PTPRM: variants seen among roughly 807,000 people sequenced by gnomAD.
The protein encoded by PTPRM is protein tyrosine phosphatase receptor type M, also known as receptor-type tyrosine-protein phosphatase mu.
Under a neutral mutation model 186.7 loss-of-function variants are expected in PTPRM, and 47 were observed. The ratio of observed to expected loss-of-function variants is 0.25; its 90% CI spans 0.20 to 0.32. The LOEUF (loss-of-function observed/expected upper bound fraction) is 0.32, where lower values mean the gene tolerates loss of function less well. Among genes scored for constraint, PTPRM ranks in the 10% least tolerant of loss-of-function variants. PTPRM has a pLI of 1.00. For missense variants in PTPRM, 1,494 were observed against 1,865.0 expected (o/e 0.80, Z 3.66); for synonymous variants, 668 against 674.9 (o/e 0.99, Z 0.16).
intron 1 of PTPRM, among the ~76,000 whole-genome samples, chr18:7,667,844 C>T (rs1482485023): frequency 1.3e-5 from 2 of 152,010 alleles, no homozygotes; most frequent in Non-Finnish European, 1.5e-5. Context: ...CTGCATGCTA[C>T]TTAATAAATT....
At chr18:8,006,714 C>G (rs535282178) in intron 7 of PTPRM, among the ~76,000 whole-genome samples, 2 of 152,164 alleles carry the variant, frequency 1.3e-5, no homozygotes, top group African/African-American at 2.4e-5. Flanking sequence ...CACTGAAGCA[C>G]CAGTCACACC....
At chr18:8,233,539 T>G (rs941351454) in intron 14 of PTPRM, among the ~76,000 whole-genome samples, 7 of 152,224 alleles carry the variant, frequency 4.6e-5, no homozygotes, top group Admixed American at 3.9e-4. Context: ...TTAAGAGTTA[T>G]TTGAACATTA....
At chr18:7,829,731 A>G (rs1251729591) in intron 2 of PTPRM, among the ~76,000 whole-genome samples, 1 of 152,202 alleles carries the variant, frequency 6.6e-6, no homozygotes, top group East Asian at 1.9e-4. Flanking sequence ...TGGTACTTCC[A>G]AAACATTTCT....
At chr18:7,870,884 T>G (rs1009995931) in intron 2 of PTPRM, among the ~76,000 whole-genome samples, 1 of 152,200 alleles carries the variant, frequency 6.6e-6, no homozygotes, top group East Asian at 1.9e-4. Flanking sequence ...GGCAGTTAAC[T>G]CTCATGGGGA....
intron 14 of PTPRM, among the ~76,000 whole-genome samples, chr18:8,237,897 A>G (rs1475890365): frequency 6.6e-6 from 1 of 152,134 alleles, no homozygotes; most frequent in East Asian, 1.9e-4. Context: ...ATGGTTTCTG[A>G]GGAGAAGTGC....
intron 19 of PTPRM, among the ~76,000 whole-genome samples, chr18:8,265,664 A>AT (rs1056609943): frequency 1.3e-5 from 2 of 152,040 alleles, no homozygotes; most frequent in African/African-American, 2.4e-5. Context: ...TGAAAAGTCA[A>AT]TTTTTTTTCA....
chr18:7,612,312 T>A (rs930003958), intron 1 of PTPRM, among the ~76,000 whole-genome samples: 6 of 152,138 alleles, frequency 3.9e-5, no homozygotes, highest in Non-Finnish European at 7.3e-5. Context: ...CTGGCCACAT[T>A]TTCTGATGCT....
At chr18:8,180,034 C>T (rs1467834608) in intron 14 of PTPRM, among the ~76,000 whole-genome samples, 9 of 149,328 alleles carry the variant, frequency 6.0e-5, no homozygotes, top group Middle Eastern at 3.4e-3. Context: ...GTGAGCCACC[C>T]GTTGGGGTGA....
chr18:7,856,908 T>C (rs1056013305), intron 2 of PTPRM, among the ~76,000 whole-genome samples: 4 of 152,180 alleles, frequency 2.6e-5, no homozygotes, highest in Non-Finnish European at 5.9e-5. Context: ...ATCTGACTTA[T>C]AAATGACTCA....
intron 1 of PTPRM, among the ~76,000 whole-genome samples, chr18:7,685,992 G>A (rs1333765116): frequency 6.6e-6 from 1 of 152,006 alleles, no homozygotes; most frequent in Admixed American, 6.6e-5. Flanking sequence ...CTAGTGGCAG[G>A]CCAGAAAACT....
At chr18:7,854,951 GT>G (rs978655133) in intron 2 of PTPRM, among the ~76,000 whole-genome samples, 2 of 152,016 alleles carry the variant, frequency 1.3e-5, no homozygotes, top group African/African-American at 4.8e-5. Flanking sequence ...ATCCTTGAAG[GT>G]TAGGTAGCAT....
intron 7 of PTPRM, among the ~76,000 whole-genome samples, chr18:7,992,130 G>A (rs1599913935): frequency 6.6e-6 from 1 of 152,226 alleles, no homozygotes; most frequent in Non-Finnish European, 1.5e-5. Context: ...GGGTAGGAGA[G>A]GGAGTTATTA....
rs1427071585 is a variant in PTPRM, at chr18:8,111,387, C to T, written c.1857-2099C>T. 5.9e-5 allele frequency among the ~76,000 whole-genome samples: 9 copies of T among 152,166 alleles called. No individual in the cohort carries two copies. In the Middle Eastern group the frequency reaches 0.01, roughly 173 times the overall value. ...CAGAACTTTGGGAGGCCGAGGCGGG[C>T]GGATCACGATGTCAGGAGATTGAGA... On this transcript the variant is annotated intron_variant, in intron 11 of 32. Coordinates refer to ENST00000580170, the MANE Select transcript of PTPRM (RefSeq NM_001105244.2).
intron 1 of PTPRM, among the ~76,000 whole-genome samples, chr18:7,613,112 A>C (rs2037717703): frequency 6.6e-6 from 1 of 152,148 alleles, no homozygotes; most frequent in East Asian, 1.9e-4. Flanking sequence ...GTGCCTGGGA[A>C]GATAGGTTTG....
Position 7,838,728 on chromosome 18 carries a change from T to G in PTPRM, c.197-49378T>G, listed in dbSNP as rs541117858. On this transcript the variant is annotated intron_variant, in intron 2 of 32. Coordinates refer to ENST00000580170, the MANE Select transcript of PTPRM (RefSeq NM_001105244.2). ...TACAGTCAGCAGATGGCAAAGCCAGTCAGGCCTGCCTCCTTCCCTGCAGGG... is the reference window on the plus strand; with the variant it reads ...TACAGTCAGCAGATGGCAAAGCCAGGCAGGCCTGCCTCCTTCCCTGCAGGG... 5.3e-5 allele frequency among the ~76,000 whole-genome samples: 8 copies of G among 152,344 alleles called. No individual in the cohort carries two copies. In the South Asian group the frequency reaches 1.7e-3, roughly 32 times the overall value.
intron 1 of PTPRM, among the ~76,000 whole-genome samples, chr18:7,612,487 G>A (rs2037700908): frequency 6.6e-6 from 1 of 152,154 alleles, no homozygotes; most frequent in African/African-American, 2.4e-5. Context: ...AGGCTGGTCA[G>A]ACCTGTCTCT....
At chr18:8,252,409 T>C in intron 17 of PTPRM, 79 bp from the exon 18 acceptor site, 1 of 1,134,124 alleles carries the variant, frequency 8.8e-7, no homozygotes, top group Non-Finnish European at 1.3e-6. Flanking sequence ...CTACCTGTAA[T>C]TATGCACGCA....
chr18:7,844,330 G>T (rs183086654), intron 2 of PTPRM, among the ~76,000 whole-genome samples: 1 of 152,194 alleles, frequency 6.6e-6, no homozygotes, highest in East Asian at 1.9e-4. Context: ...ATCCTCATTG[G>T]GATGTCAGAT....
At chr18:7,705,775 C>CCTCAAACTCTTGGA (rs1384058495) in intron 1 of PTPRM, among the ~76,000 whole-genome samples, 1 of 151,138 alleles carries the variant, frequency 6.6e-6, no homozygotes, top group Non-Finnish European at 1.5e-5. Flanking sequence ...CTCAATCTGG[C>CCTCAAACTCTTGGA]CTCAAACTCT....
Sources: gnomAD v4.1 joint callset for allele counts (sites outside exome capture counted in the v4.1 genomes callset) on GRCh38, gnomAD v4.1.1 for gene constraint, MANE v1.5 for transcripts, NCBI Gene and HGNC (gene_info 2026-07-23, HGNC 2026-07-21) for gene names.